UNC13B: variants seen among roughly 807,000 people sequenced by gnomAD.
The protein encoded by UNC13B is protein unc-13 homolog B.
In UNC13B, 144 loss-of-function variants were observed where a neutral mutation model predicts 211.0. The observed-to-expected ratio is 0.68, with a 90% CI of 0.60 to 0.78. The LOEUF (loss-of-function observed/expected upper bound fraction) is 0.78, where lower values mean the gene tolerates loss of function less well. Among genes scored for constraint, UNC13B ranks in the 30% least tolerant of loss-of-function variants. The probability of loss-of-function intolerance (pLI) is 0.00; values close to 1 mark genes in which losing one functional copy is unlikely to be tolerated. For missense variants in UNC13B, 1,777 were observed against 2,002.0 expected (o/e 0.89, Z 2.14); for synonymous variants, 709 against 725.8 (o/e 0.98, Z 0.37).
intron 5 of UNC13B, among the ~76,000 whole-genome samples, chr9:35,241,050 C>G (rs374630435): frequency 1.1e-4 from 7 of 63,682 alleles, no homozygotes; most frequent in African/African-American, 3.8e-4. Flanking sequence ...GAGCAAGACT[C>G]TGTCTCAAAA....
chr9:35,241,216 A>T (rs1194254535), intron 5 of UNC13B, among the ~76,000 whole-genome samples: 1 of 152,116 alleles, frequency 6.6e-6, no homozygotes, highest in African/African-American at 2.4e-5. Context: ...AGAGATAAGC[A>T]AACTATGGCA....
At chr9:35,297,331 C>A (rs1162639598) in intron 8 of UNC13B, among the ~76,000 whole-genome samples, 1 of 151,972 alleles carries the variant, frequency 6.6e-6, no homozygotes, top group South Asian at 2.1e-4. Flanking sequence ...TCAAACGATA[C>A]GCCTTCCTCT....
At chr9:35,336,189 A>G (rs1226961459) in intron 11 of UNC13B, among the ~76,000 whole-genome samples, 1 of 152,048 alleles carries the variant, frequency 6.6e-6, no homozygotes, top group African/African-American at 2.4e-5. Flanking sequence ...AGACTTTTTT[A>G]TCCAGCTTCC....
At position 35,377,479 on chromosome 9, in the gene UNC13B, A is replaced by G; in HGVS notation, c.9847A>G (p.Lys3283Glu). Residue 3283 changes from lysine to glutamate, a missense_variant, in exon 16 of 40, where the codon AAG becomes GAG. Coordinates refer to ENST00000635942, the MANE Select transcript of UNC13B (RefSeq NM_001371189.2). The stretch of plus-strand genomic sequence containing the variant: ...CTGGCCACCTTCAGGGGCTGCAGAA[A>G]AGAGCTGTAAACATGGAGCTGAGGA... ...NADCLQRAAE[K>E]SCKHGAEDRT... is the part of the protein sequence containing the mutation. The G allele has an allele frequency of 6.2e-7, 1 of 1,614,208 alleles. No individual in the cohort carries two copies. Among genetic ancestry groups the G allele is most frequent in the South Asian group, 1.1e-5 (1 of 91,078 alleles).
intron 8 of UNC13B, among the ~76,000 whole-genome samples, chr9:35,297,561 T>TTTTTTTTTTTTTTTTTGTTTTGTTTTTG: frequency 1.6e-5 from 2 of 128,164 alleles, no homozygotes; most frequent in African/African-American, 5.9e-5. Context: ...TTTTTTTTTT[T>TTTTTTTTTTTTTTTTTGTTTTGTTTTTG]TTTTTTGAGA....
At chr9:35,192,410 G>A (rs1279894941) in intron 1 of UNC13B, among the ~76,000 whole-genome samples, 1 of 152,172 alleles carries the variant, frequency 6.6e-6, no homozygotes, top group Non-Finnish European at 1.5e-5. Context: ...AGAACTGCCT[G>A]TTTTTCAGCT....
At chr9:35,200,166 T>C (rs1278482659) in intron 1 of UNC13B, among the ~76,000 whole-genome samples, 3 of 152,168 alleles carry the variant, frequency 2.0e-5, no homozygotes, top group Admixed American at 1.3e-4. Flanking sequence ...TGTGGTATTA[T>C]TTCTGAGGGT....
At chr9:35,403,311 A>G (rs780425885) in intron 38 of UNC13B, 52 bp downstream of exon 38, 11 of 1,606,580 alleles carry the variant, frequency 6.8e-6, no homozygotes, top group African/African-American at 5.3e-5. Flanking sequence ...GGCCTCACTC[A>G]TCACTCAAAA....
chr9:35,233,555 TCTAC>T (rs1825327267), intron 3 of UNC13B, among the ~76,000 whole-genome samples: 1 of 152,224 alleles, frequency 6.6e-6, no homozygotes, highest in Non-Finnish European at 1.5e-5. Context: ...CAGAACTTAG[TCTAC>T]TACCCTGTCC....
chr9:35,397,252 G>A lies in UNC13B; in HGVS notation c.11618G>A (p.Arg3873Gln), dbSNP rs55744473. The A allele has an allele frequency of 4.5e-5, 72 of 1,613,976 alleles. No homozygotes were observed. Among genetic ancestry groups the A allele is most frequent in the Non-Finnish European group, 5.6e-5 (66 of 1,180,032 alleles). Residue 3873 changes from arginine (R) to glutamine (Q), a missense_variant, in exon 29 of 40, where the codon CGG becomes CAG. Coordinates refer to ENST00000635942, the MANE Select transcript of UNC13B (RefSeq NM_001371189.2). ...CTCAATCAGAGCTTTGAGATCATCC[G>A]GAAGCTGGAATGCCCAGACCCCAGC... ...TQLNQSFEII[R>Q]KLECPDPSIL...
At chr9:35,380,379 A>G in intron 17 of UNC13B, 91 bp from the exon 18 acceptor site, 1 of 1,388,120 alleles carries the variant, frequency 7.2e-7, no homozygotes, top group East Asian at 2.3e-5. Context: ...CCTCAAGTGC[A>G]GCTGTCGGAG....
chr9:35,183,211 C>G, intron 1 of UNC13B, among the ~76,000 whole-genome samples: 1 of 140,774 alleles, frequency 7.1e-6, no homozygotes. Flanking sequence ...GATGGGCGGT[C>G]GGGCAGAGGC....
At chr9:35,189,741 C>A (rs922252996) in intron 1 of UNC13B, among the ~76,000 whole-genome samples, 4 of 152,208 alleles carry the variant, frequency 2.6e-5, no homozygotes, top group Admixed American at 6.5e-5. Flanking sequence ...GTGATCCCGG[C>A]TCACCGCAAC....
At chr9:35,362,365 C>A (rs1030134854) in intron 11 of UNC13B, among the ~76,000 whole-genome samples, 1 of 152,134 alleles carries the variant, frequency 6.6e-6, no homozygotes, top group African/African-American at 2.4e-5. Context: ...CATGCGATAT[C>A]TAGGTGATAC....
Position 35,306,166 on chromosome 9 carries a change from G to C in UNC13B, c.6762G>C (p.Glu2254Asp), listed in dbSNP as rs183521645. 1 of 399,052 alleles carries C rather than the reference G, an allele frequency of 2.5e-6. No individual in the cohort carries two copies. Among genetic ancestry groups the C allele is most frequent in the African/African-American group, 2.1e-5 (1 of 48,760 alleles). 24.7% of individuals were successfully genotyped at this position (399,052 alleles called of 1,614,324 possible). The change falls in exon 9 of 40, where the codon GAG becomes GAC. Residue 2254 changes from glutamate to aspartate, a missense_variant. By Grantham distance (45) the Glu-to-Asp change is conservative. Transcript: ENST00000635942. ...GTAAGAAGACAAATGTTTTTGTAGAGAGTGGTAGCACAATGACCAGAGAAA... is the reference window on the plus strand; with the variant it reads ...GTAAGAAGACAAATGTTTTTGTAGACAGTGGTAGCACAATGACCAGAGAAA... ...QPCKKTNVFV[E>D]SGSTMTRESS...
Position 35,332,369 on chromosome 9 carries a change from A to G in UNC13B, c.9414+18380A>G, listed in dbSNP as rs989570830. On this transcript the variant is annotated intron_variant, in intron 11 of 39. Coordinates refer to ENST00000635942, the MANE Select transcript of UNC13B (RefSeq NM_001371189.2). The stretch of plus-strand genomic sequence containing the variant: ...TTCACTATAATTTCCCAATGTTTAA[A>G]ACTTCCCTCTTGAGCCTATTCCTTT... Among the ~76,000 whole-genome samples the G allele has an allele frequency of 4.6e-5, 7 of 152,166 alleles. No individual in the cohort carries two copies. In the East Asian group the frequency reaches 1.3e-3, roughly 29 times the overall value.
chr9:35,260,529 A>T (rs1275177820), intron 7 of UNC13B, among the ~76,000 whole-genome samples: 6 of 152,174 alleles, frequency 3.9e-5, no homozygotes, highest in Admixed American at 3.9e-4. Flanking sequence ...TGAAAAGGAA[A>T]ACCTTTGTCC....
chr9:35,179,695 G>T (rs553665696), intron 1 of UNC13B, among the ~76,000 whole-genome samples: 66 of 152,258 alleles, frequency 4.3e-4, no homozygotes, highest in African/African-American at 1.5e-3. Context: ...GAAGGCTGAG[G>T]TGGGAGGATC....
chr9:35,299,477 T>A (rs1276681726), intron 8 of UNC13B, among the ~76,000 whole-genome samples: 1 of 152,228 alleles, frequency 6.6e-6, no homozygotes, highest in African/African-American at 2.4e-5. Flanking sequence ...TATATTTTGC[T>A]GGTATACTTT....
Sources: gnomAD v4.1 joint callset for allele counts (sites outside exome capture counted in the v4.1 genomes callset) on GRCh38, gnomAD v4.1.1 for gene constraint, MANE v1.5 for transcripts, NCBI Gene and HGNC (gene_info 2026-07-23, HGNC 2026-07-21) for gene names.